Variants in XPO7 observed in about 807,000 individuals in gnomAD.
XPO7 encodes exportin-7.
A neutral mutation model predicts 144.3 loss-of-function variants in XPO7; 21 were observed. That is an observed-to-expected ratio of 0.15 (90% CI 0.10 to 0.21). The LOEUF is 0.21. XPO7 is among the 10% of genes least tolerant of loss of function. The pLI, the probability that XPO7 is intolerant of heterozygous loss-of-function variation, is 1.00. For synonymous variants in XPO7, 580 were observed against 499.6 expected, an observed-to-expected ratio of 1.16 and a Z score of -2.15; for missense variants, 808 against 1,325.8, an observed-to-expected ratio of 0.61 and a Z score of 6.06.
At position 21,984,625 on chromosome 8, in the gene XPO7, T is replaced by G. The variant is rs1000273526; in HGVS notation, c.1278-21T>G. On this transcript the variant is annotated intron_variant, in intron 11 of 27. Coordinates refer to ENST00000252512, the MANE Select transcript of XPO7 (RefSeq NM_015024.5). ...TAGTCATATTTTAAGAGAGCTGCCTTCCTTCTTCCCTTGGGAATAGAGATG... is the reference window on the plus strand; with the variant it reads ...TAGTCATATTTTAAGAGAGCTGCCTGCCTTCTTCCCTTGGGAATAGAGATG... 16 of 1,591,140 alleles carry G rather than the reference T, an allele frequency of 1.0e-5. No individual in the cohort carries two copies. The African/African-American group carries it at 1.5e-4, about 15-fold the overall frequency.
intron 24 of XPO7, 62 bp from the exon 25 acceptor site, chr8:22,002,050 G>T: frequency 2.0e-6 from 3 of 1,533,418 alleles, no homozygotes; most frequent in South Asian, 1.2e-5. Flanking sequence ...CCCAAAGATA[G>T]TCCATATTTG....
Position 21,974,653 on chromosome 8 carries a change from C to T in XPO7, c.493-17C>T, listed in dbSNP as rs2960140. On this transcript the variant is annotated splice_polypyrimidine_tract_variant and intron_variant, in intron 5 of 27. Coordinates refer to ENST00000252512, the MANE Select transcript of XPO7 (RefSeq NM_015024.5). Reference sequence around the variant, plus strand: ...TGCAATTAATTCTTTGCATTGGTTTCTTCTTTTTCTGCACAGGCAGACACC... The same window carrying T: ...TGCAATTAATTCTTTGCATTGGTTTTTTCTTTTTCTGCACAGGCAGACACC... 1 of 1,537,634 alleles carries T rather than the reference C, an allele frequency of 6.5e-7. No homozygotes were observed. Among genetic ancestry groups the T allele is most frequent in the Non-Finnish European group, 8.7e-7 (1 of 1,143,194 alleles).
chr8:22,002,733 A>G (rs1813193290), intron 25 of XPO7, among the ~76,000 whole-genome samples: 1 of 152,230 alleles, frequency 6.6e-6, no homozygotes, highest in South Asian at 2.1e-4. Flanking sequence ...ACTTACAGAA[A>G]TACATGCTAG....
chr8:21,977,930 A>G lies in XPO7; in HGVS notation c.837+87A>G, dbSNP rs548017634. ...AACCTTATATTCGTTTTGTTTTATA[A>G]AATTATACAAGTAAAGCATAGAAAT... On this transcript the variant is annotated intron_variant, in intron 8 of 27. Transcript: ENST00000252512. The G allele has an allele frequency of 4.3e-5, 51 of 1,191,526 alleles. 1 individual carries two copies. In the African/African-American group the frequency reaches 7.4e-4, roughly 17 times the overall value. The allele number at this position is 1,191,526 out of a possible 1,614,324, so 73.8% of individuals were successfully genotyped here.
intron 1 of XPO7, among the ~76,000 whole-genome samples, chr8:21,929,577 A>G (rs1810577080): frequency 1.3e-5 from 2 of 152,260 alleles, no homozygotes; most frequent in African/African-American, 4.8e-5. Flanking sequence ...GAAGGGAGAT[A>G]GTAAACCATG....
intron 1 of XPO7, among the ~76,000 whole-genome samples, chr8:21,931,282 C>T (rs1378121784): frequency 6.6e-6 from 1 of 152,098 alleles, no homozygotes; most frequent in Non-Finnish European, 1.5e-5. Context: ...CCTGCCTCAG[C>T]CTCCCAAGTA....
chr8:21,974,686 C>T lies in XPO7; in HGVS notation c.509C>T (p.Pro170Leu), dbSNP rs1812172053. Reference sequence around the variant, plus strand: ...TCTGCACAGGCAGACACCACCCATCCTTTAACCAAGCACAGAAAAATAGCC... The same window carrying T: ...TCTGCACAGGCAGACACCACCCATCTTTTAACCAAGCACAGAAAAATAGCC... ...NEINQADTTHPLTKHRKIASS... is the reference protein window; with the variant it reads ...NEINQADTTHLLTKHRKIASS... The change falls in exon 6 of 28, where the codon CCT (proline) becomes CTT (leucine). Residue 170 changes from proline to leucine, a missense_variant. By Grantham distance (98) the Pro-to-Leu change is moderately conservative. Coordinates refer to ENST00000252512, the MANE Select transcript of XPO7 (RefSeq NM_015024.5). 2 of 1,591,236 alleles carry T rather than the reference C, an allele frequency of 1.3e-6. No individual in the cohort carries two copies. The highest frequency in any genetic ancestry group is 2.3e-5 in the East Asian group (1 of 44,426).
At chr8:21,942,610 G>A (rs1375111569) in intron 1 of XPO7, among the ~76,000 whole-genome samples, 2 of 152,208 alleles carry the variant, frequency 1.3e-5, no homozygotes, top group Non-Finnish European at 2.9e-5. Context: ...TGAAAGGGGA[G>A]GAGTATTTCA....
intron 1 of XPO7, among the ~76,000 whole-genome samples, chr8:21,920,314 C>T (rs1356195390): frequency 6.6e-6 from 1 of 152,134 alleles, no homozygotes; most frequent in East Asian, 1.9e-4. Context: ...ACCCCGGCCT[C>T]CTTCCCCCTC....
intron 21 of XPO7, among the ~76,000 whole-genome samples, chr8:21,996,410 G>A (rs1336472601): frequency 1.3e-5 from 2 of 152,158 alleles, no homozygotes; most frequent in African/African-American, 4.8e-5. Context: ...GCAAGACCCT[G>A]TCTCAAAAAA....
chr8:21,978,831 G>A (rs1563329816), intron 8 of XPO7, among the ~76,000 whole-genome samples: 1 of 152,198 alleles, frequency 6.6e-6, no homozygotes, highest in East Asian at 1.9e-4. Flanking sequence ...CGGAAGAGGG[G>A]TACCCTGTTC....
intron 1 of XPO7, among the ~76,000 whole-genome samples, chr8:21,956,648 T>C (rs1811544470): frequency 6.6e-6 from 1 of 152,134 alleles, no homozygotes; most frequent in African/African-American, 2.4e-5. Flanking sequence ...ATTTTAACTT[T>C]TATTTTCCCA....
intron 1 of XPO7, among the ~76,000 whole-genome samples, chr8:21,949,062 A>G (rs1359809856): frequency 6.6e-6 from 1 of 152,214 alleles, no homozygotes; most frequent in Non-Finnish European, 1.5e-5. Flanking sequence ...CCACAAGTGA[A>G]CTTAGTTTTC....
At chr8:21,951,540 T>C (rs908883924) in intron 1 of XPO7, among the ~76,000 whole-genome samples, 4 of 152,192 alleles carry the variant, frequency 2.6e-5, no homozygotes, top group Admixed American at 2.6e-4. Context: ...ATTAGGGGAC[T>C]TCAGAGTCAC....
intron 1 of XPO7, chr8:21,966,399 A>T (rs1811885671): frequency 1.4e-6 from 1 of 736,386 alleles, no homozygotes; most frequent in Non-Finnish European, 2.5e-6. Context: ...GTAAGCTAAT[A>T]ACTACTACTC....
intron 1 of XPO7, among the ~76,000 whole-genome samples, chr8:21,942,023 C>CAGGTAATGG (rs1370210321): frequency 1.3e-5 from 2 of 152,118 alleles, no homozygotes; most frequent in Non-Finnish European, 2.9e-5. Context: ...GTAATGGTTA[C>CAGGTAATGG]TTAACATCAG....
rs760188518 is a variant in XPO7 at position 21,984,852 on chromosome 8, C to T, written c.1471+13C>T. 16 of 1,612,552 alleles carry T rather than the reference C, an allele frequency of 9.9e-6. No individual in the cohort carries two copies. The highest frequency in any genetic ancestry group is 6.7e-5 in the African/African-American group (5 of 74,930). The stretch of plus-strand genomic sequence containing the variant: ...GCAGTGCAGGAGGGTGAGTGTGCAG[C>T]GTGCTGGGAACTCTAGACCTGTGAG... On this transcript the variant is annotated intron_variant, in intron 12 of 27. Coordinates refer to ENST00000252512, the MANE Select transcript of XPO7 (RefSeq NM_015024.5).
At chr8:21,993,245 T>A (rs1482522818) in intron 19 of XPO7, among the ~76,000 whole-genome samples, 1 of 152,158 alleles carries the variant, frequency 6.6e-6, no homozygotes, top group African/African-American at 2.4e-5. Context: ...GTAAAGCAAG[T>A]AAAATTAACC....
At chr8:21,981,141 G>A (rs546541408) in intron 9 of XPO7, among the ~76,000 whole-genome samples, 1 of 152,234 alleles carries the variant, frequency 6.6e-6, no homozygotes, top group Admixed American at 6.5e-5. Context: ...GCTAACAGAA[G>A]AAGACATATC....
Sources: allele counts gnomAD v4.1 joint callset (sites outside exome capture counted in the v4.1 genomes callset), GRCh38; gene constraint gnomAD v4.1.1; transcripts MANE v1.5; gene names NCBI Gene and HGNC (gene_info 2026-07-23, HGNC 2026-07-21).